The following ADAMTSL4 variants were observed in gnomAD, a reference collection of about 807,000 sequenced individuals.
ADAMTSL4 encodes the protein ADAMTS-like protein 4.
A neutral mutation model predicts 122.8 loss-of-function variants in ADAMTSL4; 97 were observed. That is an observed-to-expected ratio of 0.79 (90% confidence interval 0.67 to 0.93). ADAMTSL4 has a LOEUF of 0.93. Among genes scored for constraint, ADAMTSL4 ranks in the 40% least tolerant of loss-of-function variants. The pLI is 0.00. For synonymous variants in ADAMTSL4, 592 were observed against 568.0 expected (o/e 1.04, Z -0.60); for missense variants, 1,408 against 1,453.5 (o/e 0.97, Z 0.51).
rs145169593 is a variant in ADAMTSL4, at chr1:150,560,149, C to G, written c.3178C>G (p.Arg1060Gly). The G allele has an allele frequency of 7.4e-4, 1,196 of 1,614,080 alleles. 20 individuals are homozygous for G. The South Asian group carries it at 9.9e-3, about 13-fold the overall frequency. The change falls in exon 19 of 19, where the codon CGC becomes GGC. Residue 1060 changes from arginine (R) to glycine (G), a missense_variant. Physicochemically the swap from Arg to Gly is moderately radical, Grantham distance 125. Coordinates refer to ENST00000271643, the MANE Select transcript of ADAMTSL4 (RefSeq NM_019032.6). ...CCCCTACTACACAGCCACCTGTTGCCGCTCTTGCGCACATGTCCTGGAGCG... is the reference window on the plus strand; with the variant it reads ...CCCCTACTACACAGCCACCTGTTGCGGCTCTTGCGCACATGTCCTGGAGCG... ...VYPYYTATCC[R>G]SCAHVLERSP...
At position 150,557,356 on chromosome 1, in the gene ADAMTSL4, C is replaced by T. The variant is rs1672268050; in HGVS notation, c.2047+21C>T. On this transcript the variant is annotated intron_variant, in intron 12 of 18. Transcript: ENST00000271643. ...GAAAGGTGAGACATCACAGTGCGTT[C>T]CCCGCATCTCGGTCCAAACCCCCCA... 1.9e-6 allele frequency: 3 copies of T among 1,604,962 alleles called. No individual in the cohort carries two copies. The African/African-American group carries it at 4.0e-5, about 21-fold the overall frequency.
In ADAMTSL4 at chr1:150,558,905, G is replaced by A. The variant is rs587701528; in HGVS notation, c.2560-57G>A. On this transcript the variant is annotated intron_variant, in intron 15 of 18. Coordinates refer to ENST00000271643, the MANE Select transcript of ADAMTSL4 (RefSeq NM_019032.6). ...ATGCGTCCCTCCCTGCCCCCCTACT[G>A]TCCCTTGTGCCAGTCACCAGCAGGC... The A allele has an allele frequency of 8.1e-5, 126 of 1,554,060 alleles. No homozygotes were observed. The East Asian group carries it at 1.8e-3, about 23-fold the overall frequency.
At chr1:150,551,296 G>C (rs765835957) in intron 2 of ADAMTSL4, 2 of 340,140 alleles carry the variant, frequency 5.9e-6, no homozygotes. Flanking sequence ...CCCAGAGTGG[G>C]TGTTACATTG....
chr1:150,557,267 C>T lies in ADAMTSL4; in HGVS notation c.1979C>T (p.Pro660Leu), dbSNP rs1394281986. ...QMPAPPHPRT[P>L]LGSPAAYWKR... Reference sequence around the variant, plus strand: ...CCCGCCCCGCCCCATCCCAGGACACCCCTGGGGTCTCCAGCTGCGTACTGG... The same window carrying T: ...CCCGCCCCGCCCCATCCCAGGACACTCCTGGGGTCTCCAGCTGCGTACTGG... Residue 660 changes from proline to leucine, a missense_variant, in exon 12 of 19, where the codon CCC (proline) becomes CTC (leucine). Transcript: ENST00000271643. The T allele has an allele frequency of 3.7e-6, 6 of 1,611,904 alleles. No individual in the cohort carries two copies. The highest frequency in any genetic ancestry group is 1.3e-5 in the African/African-American group (1 of 74,858).
chr1:150,556,509 C>G lies in ADAMTSL4; in HGVS notation c.1577-112C>G, dbSNP rs1672138374. The G allele has an allele frequency of 6.4e-6, 10 of 1,572,880 alleles. No individual in the cohort carries two copies. Among genetic ancestry groups the G allele is most frequent in the Non-Finnish European group, 8.7e-6 (10 of 1,146,052 alleles). On this transcript the variant is annotated intron_variant, in intron 9 of 18. Coordinates refer to ENST00000271643, the MANE Select transcript of ADAMTSL4 (RefSeq NM_019032.6). The surrounding 1 kb of genome is among the most constrained non-coding windows in gnomAD (Gnocchi z 4.1). ...GGAAGGAGTGAGGAAGCTGAGAGGG[C>G]TTGGGGGGATCTTAGGTTCTGGTGG...
Position 150,557,977 on chromosome 1 carries a change from G to T in ADAMTSL4, c.2210G>T (p.Arg737Leu). The T allele has an allele frequency of 1.2e-6, 2 of 1,610,434 alleles. No homozygotes were observed. Among genetic ancestry groups the T allele is most frequent in the Admixed American group, 1.7e-5 (1 of 60,006 alleles). The part of the protein sequence containing the change: ...WEAGEWTSCS[R>L]SCGPGTQHRQ... ...GCTGGCGAGTGGACATCCTGCAGCC[G>T]CTCCTGTGGCCCCGGCACCCAGCAC... is the stretch of plus-strand genomic sequence containing the variant. The change falls in exon 14 of 19, where the codon CGC becomes CTC. Residue 737 changes from arginine to leucine, a missense_variant. Arg to Leu is a moderately radical substitution (Grantham distance 102). Transcript: ENST00000271643.
In ADAMTSL4 at chr1:150,560,099, T is replaced by G; in HGVS notation, c.3128T>G (p.Val1043Gly). The G allele has an allele frequency of 6.2e-7, 1 of 1,614,094 alleles. No homozygotes were observed. Among genetic ancestry groups the G allele is most frequent in the Non-Finnish European group, 8.5e-7 (1 of 1,180,010 alleles). The change falls in exon 19 of 19, where the codon GTG becomes GGG. Residue 1043 changes from valine (V) to glycine (G), a missense_variant. Transcript: ENST00000271643. ...GACAGCTCTCCACATTGCCCCCTGG[T>G]GGTACAGGCCCGGCTCTGCGTCTAC... is the stretch of plus-strand genomic sequence containing the variant. ...CKDSSPHCPL[V>G]VQARLCVYPY...
At position 150,552,568 on chromosome 1, in the gene ADAMTSL4, C is replaced by T; in HGVS notation, c.46C>T (p.Leu16=). The T allele has an allele frequency of 1.2e-6, 2 of 1,614,080 alleles. No individual in the cohort carries two copies. The highest frequency in any genetic ancestry group is 1.7e-6 in the Non-Finnish European group (2 of 1,179,986). ...GRPWLYLLLL[L]SLPQLCLDQE... is the part of the protein sequence containing the mutation. Reference sequence around the variant, plus strand: ...GCCCTGGCTGTATCTGCTGCTGCTTCTGTCCCTCCCTCAGCTCTGCTTGGA... The same window carrying T: ...GCCCTGGCTGTATCTGCTGCTGCTTTTGTCCCTCCCTCAGCTCTGCTTGGA... Residue 16 remains leucine, a synonymous_variant, in exon 4 of 19, where the codon CTG becomes TTG. Transcript: ENST00000271643. The surrounding 1 kb of genome is among the most constrained non-coding windows in gnomAD (Gnocchi z 4.0).
chr1:150,556,557 C>T lies in ADAMTSL4; in HGVS notation c.1577-64C>T, dbSNP rs1318413930. On this transcript the variant is annotated intron_variant, in intron 9 of 18. Coordinates refer to ENST00000271643, the MANE Select transcript of ADAMTSL4 (RefSeq NM_019032.6). The surrounding 1 kb of genome is among the most constrained non-coding windows in gnomAD (Gnocchi z 4.1). ...TGGGAGCTTCTATAGGCTAAGGACA[C>T]GGTGTGGGAGGAGGAAGGTATTATC... The T allele has an allele frequency of 1.2e-5, 20 of 1,605,610 alleles. No homozygotes were observed. The highest frequency in any genetic ancestry group is 5.0e-5 in the Admixed American group (3 of 59,992).
At chr1:150,558,176 T>G in intron 14 of ADAMTSL4, 27 bp downstream of exon 14, 1 of 1,612,880 alleles carries the variant, frequency 6.2e-7, no homozygotes, top group South Asian at 1.1e-5. Context: ...AAGGAGGTGC[T>G]GGGGAGGGGA....
At position 150,553,256 on chromosome 1, in the gene ADAMTSL4, G is replaced by A. The variant is rs1261776316; in HGVS notation, c.434+3G>A. 2 of 1,610,570 alleles carry A rather than the reference G, an allele frequency of 1.2e-6. No individual in the cohort carries two copies. Among genetic ancestry groups the A allele is most frequent in the Admixed American group, 1.7e-5 (1 of 59,790 alleles). ...CAGGAGATTCGAGCGGCCAGGAGGT[G>A]AGAGGCCTGGGTGGAAGAGGTGGGC... On this transcript the variant is annotated splice_donor_region_variant and intron_variant, in intron 5 of 18. Transcript: ENST00000271643.
rs185016424 is a variant in ADAMTSL4 at position 150,560,160 on chromosome 1, A to C, written c.3189A>C (p.Ala1063=). The stretch of plus-strand genomic sequence containing the variant: ...CAGCCACCTGTTGCCGCTCTTGCGC[A>C]CATGTCCTGGAGCGGTCTCCCCAGG... ...YYTATCCRSC[A]HVLERSPQDP... Residue 1063 remains alanine, a synonymous_variant, in exon 19 of 19, where the codon GCA becomes GCC. Transcript: ENST00000271643. 1.1e-4 allele frequency: 170 copies of C among 1,614,012 alleles called. No individual in the cohort carries two copies. Among genetic ancestry groups the C allele is most frequent in the Non-Finnish European group, 1.3e-4 (159 of 1,179,994 alleles).
In ADAMTSL4 at chr1:150,559,469, G is replaced by T; in HGVS notation, c.2943+3G>T. ...GGTTTTCCACGCCCTGGAGCCCAGT[G>T]AGTGTCTGGCTGCGCTGTCCTGCCC... On this transcript the variant is annotated splice_donor_region_variant and intron_variant, in intron 17 of 18. Transcript: ENST00000271643. The surrounding 1 kb of genome is among the most constrained non-coding windows in gnomAD (Gnocchi z 4.1). The T allele has an allele frequency of 6.2e-7, 1 of 1,613,072 alleles. No individual in the cohort carries two copies. The highest frequency in any genetic ancestry group is 1.1e-5 in the South Asian group (1 of 91,082).
rs587768181 is a variant in ADAMTSL4, at chr1:150,557,465, C to A, written c.2048-29C>A. On this transcript the variant is annotated intron_variant, in intron 12 of 18. Transcript: ENST00000271643. ...ACTGAGCTTGGGCTCTAGCCTCCTG[C>A]CTCCCTGGCTGCCTTCTCACCCACT... is the stretch of plus-strand genomic sequence containing the variant. 7 of 1,613,010 alleles carry A rather than the reference C, an allele frequency of 4.3e-6. No individual in the cohort carries two copies. The African/African-American group carries it at 6.7e-5, about 15-fold the overall frequency.
In ADAMTSL4 at chr1:150,557,991, G is replaced by A. The variant is rs766447735; in HGVS notation, c.2224G>A (p.Gly742Ser). The A allele has an allele frequency of 8.7e-6, 14 of 1,611,486 alleles. No individual in the cohort carries two copies. The highest frequency in any genetic ancestry group is 3.3e-5 in the Admixed American group (2 of 59,988). Residue 742 changes from glycine (G) to serine (S), a missense_variant, in exon 14 of 19, where the codon GGC becomes AGC. Physicochemically the swap from Gly to Ser is moderately conservative, Grantham distance 56. Coordinates refer to ENST00000271643, the MANE Select transcript of ADAMTSL4 (RefSeq NM_019032.6). ...ATCCTGCAGCCGCTCCTGTGGCCCC[G>A]GCACCCAGCACCGCCAGCTGCAGTG... ...WTSCSRSCGP[G>S]TQHRQLQCRQ...
At chr1:150,550,992 AT>A (rs753171524) in intron 2 of ADAMTSL4, 41 of 448,236 alleles carry the variant, frequency 9.1e-5, no homozygotes, top group East Asian at 2.8e-4. Flanking sequence ...ACAGAAACAG[AT>A]TTTTTTTTTC....
Position 150,552,893 on chromosome 1 carries a change from T to C in ADAMTSL4, c.79-5T>C. 1 of 1,611,448 alleles carries C rather than the reference T, an allele frequency of 6.2e-7. No individual in the cohort carries two copies. Among genetic ancestry groups the C allele is most frequent in the East Asian group, 2.2e-5 (1 of 44,870 alleles). ...CAATTCTGTCTGACCTTTTTCTCTATATAGGTGTTGTCCGGACACTCTCTT... is the reference window on the plus strand; with the variant it reads ...CAATTCTGTCTGACCTTTTTCTCTACATAGGTGTTGTCCGGACACTCTCTT... On this transcript the variant is annotated splice_region_variant and splice_polypyrimidine_tract_variant and intron_variant, in intron 4 of 18. Transcript: ENST00000271643. This position sits in a 1 kb window ranked among gnomAD's most constrained non-coding sequence, Gnocchi z 4.0.
chr1:150,559,341 A>C lies in ADAMTSL4; in HGVS notation c.2818A>C (p.Lys940Gln). 1 of 1,613,950 alleles carries C rather than the reference A, an allele frequency of 6.2e-7. No individual in the cohort carries two copies. The highest frequency in any genetic ancestry group is 8.5e-7 in the Non-Finnish European group (1 of 1,179,976). The change falls in exon 17 of 19, where the codon AAA (lysine) becomes CAA (glutamine). Residue 940 changes from lysine (K) to glutamine (Q), a missense_variant. By Grantham distance (53) the Lys-to-Gln change is moderately conservative (BLOSUM62 1). Coordinates refer to ENST00000271643, the MANE Select transcript of ADAMTSL4 (RefSeq NM_019032.6). The surrounding 1 kb of genome is among the most constrained non-coding windows in gnomAD (Gnocchi z 4.1). ...GCGTAGAGACATCATCTGTGTATCC[A>C]AACTGGGGACGGAGTTCAACGTGAC... is the stretch of plus-strand genomic sequence containing the variant. ...TQRRDIICVSKLGTEFNVTSP... is the reference protein window; with the variant it reads ...TQRRDIICVSQLGTEFNVTSP...
At position 150,554,657 on chromosome 1, in the gene ADAMTSL4, G is replaced by T. The variant is rs1244708767; in HGVS notation, c.1234+190G>T. 6.5e-7 allele frequency: 1 copy of T among 1,537,864 alleles called. No individual in the cohort carries two copies. Among genetic ancestry groups the T allele is most frequent in the African/African-American group, 1.4e-5 (1 of 72,998 alleles). Reference sequence around the variant, plus strand: ...GTGGTGAGTGGTCTGCAGAAGGGTCGGGGTGGGAGGAGGAGGTGTGGGAGA... The same window carrying T: ...GTGGTGAGTGGTCTGCAGAAGGGTCTGGGTGGGAGGAGGAGGTGTGGGAGA... On this transcript the variant is annotated intron_variant, in intron 7 of 18. Coordinates refer to ENST00000271643, the MANE Select transcript of ADAMTSL4 (RefSeq NM_019032.6). This position sits in a 1 kb window ranked among gnomAD's most constrained non-coding sequence, Gnocchi z 4.0.
Sources: gnomAD v4.1 joint callset for allele counts on GRCh38, gnomAD v4.1.1 for gene constraint, Gnocchi (gnomAD v3.1) non-coding constraint, MANE v1.5 for transcripts, NCBI Gene and HGNC (gene_info 2026-07-23, HGNC 2026-07-21) for gene names.